The following LPAR3 variants were observed in gnomAD, a reference collection of about 807,000 sequenced individuals.
LPAR3 encodes lysophosphatidic acid receptor 3.
Under a neutral mutation model 17.8 loss-of-function variants are expected in LPAR3, and 7 were observed. The ratio of observed to expected loss-of-function variants is 0.39; its 90% CI spans 0.22 to 0.74. The LOEUF is 0.74. Among genes scored for constraint, LPAR3 ranks in the 30% least tolerant of loss-of-function variants. The pLI is 0.40. For missense variants in LPAR3, 391 were observed against 453.4 expected (o/e 0.86, Z 1.25); for synonymous variants, 179 against 179.9 (o/e 0.99, Z 0.04).
chr1:84,870,315 A>C (rs906332101), intron 1 of LPAR3, among the ~76,000 whole-genome samples: 1 of 152,214 alleles, frequency 6.6e-6, no homozygotes, highest in Admixed American at 6.5e-5. Flanking sequence ...GTTGCTTAAG[A>C]ATTTATTGTC....
intron 2 of LPAR3, among the ~76,000 whole-genome samples, chr1:84,815,922 G>A (rs1026687987): frequency 3.9e-5 from 6 of 152,090 alleles, no homozygotes; most frequent in Middle Eastern, 3.4e-3. Flanking sequence ...TATTATTTTC[G>A]GTCTGGCTGA....
At chr1:84,855,526 A>G (rs1018061556) in intron 2 of LPAR3, among the ~76,000 whole-genome samples, 3 of 152,152 alleles carry the variant, frequency 2.0e-5, no homozygotes, top group African/African-American at 7.2e-5. Context: ...TCCACCTTGC[A>G]CTCAGAAAAT....
intron 2 of LPAR3, among the ~76,000 whole-genome samples, chr1:84,856,239 G>A (rs4265445): frequency 0.031 from 4,778 of 152,136 alleles, 116 homozygotes; most frequent in Non-Finnish European, 0.05. Flanking sequence ...GAACACCCCC[G>A]GACTCAATGT....
chr1:84,874,398 A>T (rs2102769174), intron 1 of LPAR3, among the ~76,000 whole-genome samples: 1 of 152,276 alleles, frequency 6.6e-6, no homozygotes, highest in East Asian at 1.9e-4. Context: ...TCTCCCAATC[A>T]AGTGGGGTTT....
chr1:84,892,258 T>TAAAA (rs72520776), intron 1 of LPAR3, among the ~76,000 whole-genome samples: 1 of 142,584 alleles, frequency 7.0e-6, no homozygotes, highest in African/African-American at 2.6e-5. Context: ...AATAAATAAA[T>TAAAA]AAAAACTAAC....
chr1:84,882,856 C>A (rs186420360), intron 1 of LPAR3, among the ~76,000 whole-genome samples: 210 of 152,292 alleles, frequency 1.4e-3, no homozygotes, highest in Non-Finnish European at 2.6e-3. Context: ...TAGATACTCA[C>A]ATGCAAAAGG....
At chr1:84,857,448 G>T (rs746460869) in intron 2 of LPAR3, among the ~76,000 whole-genome samples, 5 of 152,134 alleles carry the variant, frequency 3.3e-5, no homozygotes, top group Non-Finnish European at 5.9e-5. Flanking sequence ...AATTGACAAA[G>T]CTAGGATTTA....
intron 2 of LPAR3, among the ~76,000 whole-genome samples, chr1:84,863,329 C>A (rs947615975): frequency 1.3e-5 from 2 of 152,166 alleles, no homozygotes; most frequent in African/African-American, 4.8e-5. Context: ...AGGCTCTTGG[C>A]TATACCAAAT....
At chr1:84,835,851 T>C (rs1659392720) in intron 2 of LPAR3, among the ~76,000 whole-genome samples, 1 of 152,072 alleles carries the variant, frequency 6.6e-6, no homozygotes, top group Non-Finnish European at 1.5e-5. Context: ...GAATATTGTG[T>C]CCAATTATCA....
intron 2 of LPAR3, among the ~76,000 whole-genome samples, chr1:84,863,278 T>C (rs1033413732): frequency 6.6e-6 from 1 of 152,158 alleles, no homozygotes; most frequent in Admixed American, 6.5e-5. Flanking sequence ...TTTCACCATG[T>C]TGCCCAGGCT....
intron 1 of LPAR3, among the ~76,000 whole-genome samples, chr1:84,885,645 T>C (rs565154940): frequency 3.4e-4 from 52 of 152,286 alleles, no homozygotes; most frequent in African/African-American, 1.3e-3. Context: ...AGACATGAGC[T>C]ATGGCTGGGA....
intron 2 of LPAR3, among the ~76,000 whole-genome samples, chr1:84,854,302 T>C (rs1331834884): frequency 6.6e-6 from 1 of 152,156 alleles, no homozygotes; most frequent in Non-Finnish European, 1.5e-5. Flanking sequence ...TACACTGAAA[T>C]CAGGCTTATA....
Position 84,814,138 on chromosome 1 carries a change from A to G in LPAR3, c.770T>C (p.Val257Ala). 2 of 1,614,100 alleles carry G rather than the reference A, an allele frequency of 1.2e-6. No homozygotes were observed. Among genetic ancestry groups the G allele is most frequent in the Non-Finnish European group, 1.7e-6 (2 of 1,180,024 alleles). Reference protein sequence around the residue: ...AFVVCWTPGLVVLLLDGLNCR... With the variant: ...AFVVCWTPGLAVLLLDGLNCR... ...GTTCAGGCCGTCGAGGAGCAGAACC[A>G]CCAGGCCCGGGGTCCAGCATACCAC... The change falls in exon 3 of 3, where the codon GTG becomes GCG. Residue 257 changes from valine to alanine, a missense_variant. Coordinates refer to ENST00000370611, the MANE Select transcript of LPAR3 (RefSeq NM_012152.3).
At chr1:84,855,270 C>T (rs1449227821) in intron 2 of LPAR3, among the ~76,000 whole-genome samples, 1 of 152,144 alleles carries the variant, frequency 6.6e-6, no homozygotes, top group African/African-American at 2.4e-5. Context: ...AAAATTCTAC[C>T]ATTGGCCAGC....
chr1:84,861,947 A>G (rs1035977928), intron 2 of LPAR3, among the ~76,000 whole-genome samples: 1 of 152,214 alleles, frequency 6.6e-6, no homozygotes, highest in Non-Finnish European at 1.5e-5. Context: ...TGTTGCAGAC[A>G]AAATTACATA....
chr1:84,858,983 G>A (rs1659883231), intron 2 of LPAR3, among the ~76,000 whole-genome samples: 1 of 152,184 alleles, frequency 6.6e-6, no homozygotes, highest in Non-Finnish European at 1.5e-5. Context: ...TAGGGGAAAG[G>A]TATCCCAACA....
chr1:84,831,000 G>A (rs1392323904), intron 2 of LPAR3, among the ~76,000 whole-genome samples: 1 of 152,088 alleles, frequency 6.6e-6, no homozygotes, highest in Non-Finnish European at 1.5e-5. Context: ...GGCTCATAGG[G>A]CACTTAGGAA....
intron 1 of LPAR3, among the ~76,000 whole-genome samples, chr1:84,880,934 T>C (rs2102772146): frequency 6.6e-6 from 1 of 152,332 alleles, no homozygotes; most frequent in African/African-American, 2.4e-5. Flanking sequence ...CTGACTCCAC[T>C]GCCAGGGCAG....
intron 1 of LPAR3, among the ~76,000 whole-genome samples, chr1:84,871,769 T>C: frequency 6.6e-6 from 1 of 152,240 alleles, no homozygotes. Flanking sequence ...AGCCATAGTT[T>C]CAAGGCCTTT....
Sources: gnomAD v4.1 joint callset for allele counts (sites outside exome capture counted in the v4.1 genomes callset) on GRCh38, gnomAD v4.1.1 for gene constraint, MANE v1.5 for transcripts, NCBI Gene and HGNC (gene_info 2026-07-23, HGNC 2026-07-21) for gene names.